Variants in BMP6 observed in about 807,000 individuals in gnomAD.
BMP6 encodes the protein bone morphogenetic protein 6.
A neutral mutation model predicts 54.1 loss-of-function variants in BMP6; 17 were observed. The ratio of observed to expected loss-of-function variants is 0.31; its 90% CI spans 0.22 to 0.47. BMP6 has a LOEUF of 0.47. Ranked by LOEUF, BMP6 falls within the 20% of genes least tolerant of loss-of-function variation. BMP6 has a pLI of 1.00. For missense variants in BMP6, 720 were observed against 690.4 expected, an observed-to-expected ratio of 1.04 and a Z score of -0.48; for synonymous variants, 328 against 291.2, an observed-to-expected ratio of 1.13 and a Z score of -1.28.
chr6:7,758,680 C>T (rs1200799076), intron 1 of BMP6, among the ~76,000 whole-genome samples: 4 of 152,206 alleles, frequency 2.6e-5, no homozygotes, highest in Non-Finnish European at 5.9e-5. Flanking sequence ...TCATAGAAGG[C>T]GGCTTGCCAA....
At chr6:7,775,904 A>T (rs1561768278) in intron 1 of BMP6, among the ~76,000 whole-genome samples, 1 of 152,186 alleles carries the variant, frequency 6.6e-6, no homozygotes, top group Non-Finnish European at 1.5e-5. Flanking sequence ...AGAAGAAATT[A>T]TGTTTGTTTT....
intron 1 of BMP6, among the ~76,000 whole-genome samples, chr6:7,803,512 C>G (rs1247700547): frequency 1.3e-5 from 2 of 152,106 alleles, no homozygotes; most frequent in African/African-American, 4.8e-5. Context: ...TAAGCTCTAA[C>G]CTAATGGCAA....
chr6:7,780,722 T>C (rs991699473), intron 1 of BMP6, among the ~76,000 whole-genome samples: 1 of 152,164 alleles, frequency 6.6e-6, no homozygotes, highest in African/African-American at 2.4e-5. Context: ...ATTATTATCA[T>C]TATTATTTTG....
intron 1 of BMP6, among the ~76,000 whole-genome samples, chr6:7,802,388 G>A (rs1208981589): frequency 2.6e-5 from 4 of 152,180 alleles, no homozygotes; most frequent in African/African-American, 7.2e-5. Context: ...TCTCCCTTGA[G>A]GCCCATTCAG....
intron 4 of BMP6, among the ~76,000 whole-genome samples, chr6:7,868,909 A>C (rs1581288731): frequency 6.7e-6 from 1 of 150,254 alleles, no homozygotes; most frequent in Non-Finnish European, 1.5e-5. Flanking sequence ...CCTCCTTCTC[A>C]CCTGCTTTCT....
intron 1 of BMP6, among the ~76,000 whole-genome samples, chr6:7,820,058 T>C (rs568537696): frequency 6.6e-6 from 1 of 152,362 alleles, no homozygotes; most frequent in African/African-American, 2.4e-5. Context: ...AAATAGAATG[T>C]ACTTAGTATG....
intron 1 of BMP6, among the ~76,000 whole-genome samples, chr6:7,736,777 C>T (rs913420904): frequency 6.6e-6 from 1 of 152,150 alleles, no homozygotes; most frequent in African/African-American, 2.4e-5. Flanking sequence ...AGTGAATTCT[C>T]TCCATCTCTC....
chr6:7,760,062 C>CTTTTTTTT (rs10587005), intron 1 of BMP6, among the ~76,000 whole-genome samples: 1 of 114,480 alleles, frequency 8.7e-6, no homozygotes, highest in Non-Finnish European at 1.7e-5. Flanking sequence ...TATTTTTCAA[C>CTTTTTTTT]TTTTTTTTTT....
At chr6:7,823,956 G>A (rs1448798279) in intron 1 of BMP6, among the ~76,000 whole-genome samples, 1 of 152,202 alleles carries the variant, frequency 6.6e-6, no homozygotes, top group Non-Finnish European at 1.5e-5. Flanking sequence ...ATATCATCTG[G>A]TTTATATTTT....
intron 1 of BMP6, among the ~76,000 whole-genome samples, chr6:7,790,211 AC>A (rs1303688489): frequency 6.6e-6 from 1 of 152,120 alleles, no homozygotes; most frequent in Non-Finnish European, 1.5e-5. Flanking sequence ...TTATTTTGAT[AC>A]TGGCTTGAGA....
intron 1 of BMP6, among the ~76,000 whole-genome samples, chr6:7,788,701 CAGA>C (rs1758052202): frequency 1.3e-5 from 2 of 152,240 alleles, no homozygotes; most frequent in African/African-American, 2.4e-5. Context: ...TGAAGCAAAT[CAGA>C]AGGAGTGACT....
Position 7,879,153 on chromosome 6 carries a change from G to A in BMP6, c.1281+3G>A, listed in dbSNP as rs372511357. The A allele has an allele frequency of 1.9e-6, 3 of 1,612,384 alleles. No individual in the cohort carries two copies. Among genetic ancestry groups the A allele is most frequent in the Non-Finnish European group, 2.5e-6 (3 of 1,178,478 alleles). ...GTTTCCAAGACCTGGGATGGCAGGT[G>A]AGTTCTCTGGACACGGGGGATAAAG... On this transcript the variant is annotated splice_donor_region_variant and intron_variant, in intron 5 of 6. Transcript: ENST00000283147.
intron 1 of BMP6, among the ~76,000 whole-genome samples, chr6:7,844,686 G>A (rs1001582647): frequency 2.0e-5 from 3 of 151,738 alleles, no homozygotes; most frequent in East Asian, 3.9e-4. Flanking sequence ...ATGGTGACAC[G>A]TGAACCAGCC....
intron 1 of BMP6, among the ~76,000 whole-genome samples, chr6:7,802,976 A>G (rs1002890424): frequency 2.0e-5 from 3 of 152,212 alleles, no homozygotes; most frequent in African/African-American, 7.2e-5. Context: ...TAAGAGAGAT[A>G]TGGTTGCTAT....
chr6:7,854,414 G>A (rs1215081319), intron 2 of BMP6, among the ~76,000 whole-genome samples: 1 of 152,108 alleles, frequency 6.6e-6, no homozygotes, highest in African/African-American at 2.4e-5. Context: ...CACTTTTACT[G>A]TTTCATTTCC....
At chr6:7,756,569 T>C (rs1203550069) in intron 1 of BMP6, among the ~76,000 whole-genome samples, 2 of 152,192 alleles carry the variant, frequency 1.3e-5, no homozygotes, top group South Asian at 2.1e-4. Flanking sequence ...GCAAAGATGC[T>C]GTGTGCTGGA....
intron 1 of BMP6, among the ~76,000 whole-genome samples, chr6:7,765,257 T>A (rs1275886018): frequency 6.6e-6 from 1 of 152,188 alleles, no homozygotes; most frequent in Non-Finnish European, 1.5e-5. Context: ...CCCAAAAGTT[T>A]AAATTAGTTT....
Position 7,751,956 on chromosome 6 carries a change from T to TAAGA in BMP6, c.664+24338_664+24341dup, listed in dbSNP as rs1757431755. Among the ~76,000 whole-genome samples the TAAGA allele has an allele frequency of 2.0e-5, 3 of 152,320 alleles. No individual in the cohort carries two copies. In the South Asian group the frequency reaches 6.2e-4, roughly 32 times the overall value. On this transcript the variant is annotated intron_variant, in intron 1 of 6. Coordinates refer to ENST00000283147, the MANE Select transcript of BMP6 (RefSeq NM_001718.6). ...AGCACAATTCTAAGCTGGGGTCCTT[T>TAAGA]AAGAGCTGCTTAAACGCTTCCAGCT...
intron 1 of BMP6, among the ~76,000 whole-genome samples, chr6:7,792,281 A>T (rs971529393): frequency 6.6e-6 from 1 of 152,128 alleles, no homozygotes; most frequent in South Asian, 2.1e-4. Flanking sequence ...CTGATTGAGG[A>T]TATTAACCTC....
Sources: gnomAD v4.1 joint callset for allele counts (sites outside exome capture counted in the v4.1 genomes callset) on GRCh38, gnomAD v4.1.1 for gene constraint, MANE v1.5 for transcripts, NCBI Gene and HGNC (gene_info 2026-07-23, HGNC 2026-07-21) for gene names.